The following DNAH9 variants were observed in gnomAD, a reference collection of about 807,000 sequenced individuals.
DNAH9 encodes the protein dynein axonemal heavy chain 9, also known as DNAH9 variant protein.
A neutral mutation model predicts 471.6 loss-of-function variants in DNAH9; 345 were observed. The ratio of observed to expected loss-of-function variants is 0.73; its 90% confidence interval spans 0.67 to 0.80. DNAH9 has a LOEUF of 0.80. Ranked by LOEUF, DNAH9 falls within the 30% of genes least tolerant of loss-of-function variation. DNAH9 has a pLI of 0.00. For missense variants in DNAH9, 5,407 were observed against 5,609.2 expected (o/e 0.96, Z 1.15); for synonymous variants, 2,093 against 2,123.6 (o/e 0.99, Z 0.40).
In DNAH9 at chr17:11,733,264, C is replaced by T. The variant is rs181402068; in HGVS notation, c.5814+5342C>T. Among the ~76,000 whole-genome samples, 40 of 152,256 alleles carry T rather than the reference C, an allele frequency of 2.6e-4. 1 individual carries two copies. The highest frequency in any genetic ancestry group is 1.2e-3 in the Admixed American group (19 of 15,304). On this transcript the variant is annotated intron_variant, in intron 28 of 68. Coordinates refer to ENST00000262442, the MANE Select transcript of DNAH9 (RefSeq NM_001372.4). Reference sequence around the variant, plus strand: ...TAGAAGGGCCAAGGTAGAGGGGTGACGAGAAAAAGCCAAGATCCCAGTAGC... The same window carrying T: ...TAGAAGGGCCAAGGTAGAGGGGTGATGAGAAAAAGCCAAGATCCCAGTAGC...
At chr17:11,735,724 T>C (rs1219063972) in intron 28 of DNAH9, among the ~76,000 whole-genome samples, 2 of 152,198 alleles carry the variant, frequency 1.3e-5, no homozygotes, top group Admixed American at 6.5e-5. Flanking sequence ...CGTGATTATT[T>C]GTCTTTTTAA....
intron 19 of DNAH9, among the ~76,000 whole-genome samples, chr17:11,683,134 G>T (rs1272543469): frequency 6.6e-6 from 1 of 152,136 alleles, no homozygotes; most frequent in East Asian, 1.9e-4. Context: ...TAAAAATAAA[G>T]ACACTAATAT....
chr17:11,835,033 A>C, intron 49 of DNAH9, 135 bp downstream of exon 49: 1 of 1,207,546 alleles, frequency 8.3e-7, no homozygotes. Flanking sequence ...TGATTTGCTC[A>C]TTAAGCAAGC....
intron 61 of DNAH9, among the ~76,000 whole-genome samples, chr17:11,917,113 C>A (rs1246568211): frequency 6.6e-6 from 1 of 152,018 alleles, no homozygotes; most frequent in African/African-American, 2.4e-5. Flanking sequence ...GGGAAAATTC[C>A]ATCCACTCTT....
At chr17:11,742,787 C>T (rs1388837850) in intron 30 of DNAH9, among the ~76,000 whole-genome samples, 1 of 152,180 alleles carries the variant, frequency 6.6e-6, no homozygotes, top group Non-Finnish European at 1.5e-5. Flanking sequence ...AAGGTTTCTG[C>T]CTTGAACGGA....
In DNAH9 at chr17:11,854,445, C is replaced by A. The variant is rs770420504; in HGVS notation, c.9933+17C>A. 2 of 1,599,174 alleles carry A rather than the reference C, an allele frequency of 1.3e-6. No individual in the cohort carries two copies. Among genetic ancestry groups the A allele is most frequent in the African/African-American group, 1.3e-5 (1 of 74,508 alleles). On this transcript the variant is annotated intron_variant, in intron 50 of 68. Coordinates refer to ENST00000262442, the MANE Select transcript of DNAH9 (RefSeq NM_001372.4). ...AAGATCGCTGTGAGTGACCCCAGAG[C>A]CCCTCACCCTGCTAGTCCGCCTCCA...
At chr17:11,805,745 G>A (rs1969652342) in intron 43 of DNAH9, among the ~76,000 whole-genome samples, 1 of 151,812 alleles carries the variant, frequency 6.6e-6, no homozygotes, top group African/African-American at 2.4e-5. Flanking sequence ...TGGACACAGG[G>A]TTTCACCATG....
chr17:11,748,513 C>A (rs1480967546), intron 32 of DNAH9, among the ~76,000 whole-genome samples: 1 of 152,102 alleles, frequency 6.6e-6, no homozygotes, highest in Admixed American at 6.5e-5. Flanking sequence ...GCACGACTCC[C>A]CTATTTGATG....
At position 11,716,814 on chromosome 17, in the gene DNAH9, T is replaced by C. The variant is rs2074973074; in HGVS notation, c.5553-2520T>C. Among the ~76,000 whole-genome samples, 3 of 151,832 alleles carry C rather than the reference T, an allele frequency of 2.0e-5. No individual in the cohort carries two copies. In the South Asian group the frequency reaches 6.2e-4, roughly 32 times the overall value. ...GAAAGGCAATGAGAGGGAAGGAAGG[T>C]GATGAGGTGAGTTGTCAGGGATTGA... On this transcript the variant is annotated intron_variant, in intron 26 of 68. Coordinates refer to ENST00000262442, the MANE Select transcript of DNAH9 (RefSeq NM_001372.4).
At chr17:11,702,964 G>A (rs1045837573) in intron 24 of DNAH9, among the ~76,000 whole-genome samples, 1 of 151,996 alleles carries the variant, frequency 6.6e-6, no homozygotes, top group Non-Finnish European at 1.5e-5. Context: ...GTGGTGGTGG[G>A]CACCTGTAGT....
chr17:11,738,191 G>A lies in DNAH9; in HGVS notation c.5815-689G>A, dbSNP rs1232254684. ...ATGTAATTGAAGTGCCCCCCTCCAA[G>A]CATGGTGAAGCTCAAATGAGTTAAT... On this transcript the variant is annotated intron_variant, in intron 28 of 68. Coordinates refer to ENST00000262442, the MANE Select transcript of DNAH9 (RefSeq NM_001372.4). 2.0e-5 allele frequency among the ~76,000 whole-genome samples: 3 copies of A among 152,120 alleles called. No homozygotes were observed. In the East Asian group the frequency reaches 5.8e-4, roughly 29 times the overall value.
At chr17:11,783,225 G>A (rs1968733597) in intron 39 of DNAH9, among the ~76,000 whole-genome samples, 3 of 152,114 alleles carry the variant, frequency 2.0e-5, no homozygotes, top group Non-Finnish European at 4.4e-5. Context: ...GATGAGGAAG[G>A]GGCATTACTG....
chr17:11,923,764 T>G, intron 61 of DNAH9, 50 bp from the exon 62 acceptor site: 2 of 1,603,542 alleles, frequency 1.2e-6, no homozygotes, highest in Non-Finnish European at 1.7e-6. Flanking sequence ...ACATCAAACA[T>G]CCATCATTAG....
At chr17:11,783,506 TCTC>T in intron 39 of DNAH9, 137 bp from the exon 40 acceptor site, 1 of 575,008 alleles carries the variant, frequency 1.7e-6, no homozygotes. Context: ...TCTTATCTCT[TCTC>T]AATCCCTGCC....
intron 67 of DNAH9, among the ~76,000 whole-genome samples, chr17:11,956,239 T>C (rs547635441): frequency 6.6e-6 from 1 of 152,314 alleles, no homozygotes; most frequent in African/African-American, 2.4e-5. Context: ...TAAGCAATAT[T>C]ACCATGGATG....
chr17:11,813,439 C>T lies in DNAH9; in HGVS notation c.8707+3070C>T, dbSNP rs546688186. On this transcript the variant is annotated intron_variant, in intron 45 of 68. Coordinates refer to ENST00000262442, the MANE Select transcript of DNAH9 (RefSeq NM_001372.4). ...CCGACTGCCAGTTCAGCCAAAGCTG[C>T]GGGGATGACGCAGAACCTCATTATC... Among the ~76,000 whole-genome samples the T allele has an allele frequency of 7.2e-5, 11 of 152,214 alleles. 1 individual carries two copies. In the East Asian group the frequency reaches 9.7e-4, roughly 13 times the overall value.
intron 20 of DNAH9, among the ~76,000 whole-genome samples, chr17:11,692,753 A>G (rs577815552): frequency 6.6e-6 from 1 of 152,244 alleles, no homozygotes; most frequent in South Asian, 2.1e-4. Context: ...TGATATCATA[A>G]TAAATTGATA....
chr17:11,798,690 G>A (rs1845950615), intron 43 of DNAH9, among the ~76,000 whole-genome samples: 1 of 151,912 alleles, frequency 6.6e-6, no homozygotes, highest in Non-Finnish European at 1.5e-5. Flanking sequence ...CCTTCCCCCA[G>A]GGTACTCACG....
chr17:11,743,193 TTCAC>T (rs1212790679), intron 30 of DNAH9, among the ~76,000 whole-genome samples: 1 of 152,132 alleles, frequency 6.6e-6, no homozygotes, highest in Admixed American at 6.5e-5. Flanking sequence ...TGACCCCTCA[TTCAC>T]TCATTTGCTA....
Sources: allele counts gnomAD v4.1 joint callset (sites outside exome capture counted in the v4.1 genomes callset), GRCh38; gene constraint gnomAD v4.1.1; transcripts MANE v1.5; gene names NCBI Gene and HGNC (gene_info 2026-07-23, HGNC 2026-07-21).